Variants in STK32B observed in about 807,000 individuals in gnomAD.
STK32B encodes serine/threonine kinase 32B.
In STK32B, 43 loss-of-function variants were observed where a neutral mutation model predicts 52.6. The ratio of observed to expected loss-of-function variants is 0.82; its 90% CI spans 0.64 to 1.05. The LOEUF is 1.05. Ranked by LOEUF, STK32B falls within the 50% of genes least tolerant of loss-of-function variation. The pLI is 0.00. For synonymous variants in STK32B, 238 were observed against 204.3 expected (o/e 1.17, Z -1.41); for missense variants, 621 against 534.6 (o/e 1.16, Z -1.59).
intron 5 of STK32B, among the ~76,000 whole-genome samples, chr4:5,411,820 T>C (rs922503528): frequency 6.6e-6 from 1 of 151,926 alleles, no homozygotes; most frequent in African/African-American, 2.4e-5. Flanking sequence ...GGGAAAGAAA[T>C]GGCTGTTGTT....
At position 5,446,604 on chromosome 4, in the gene STK32B, C is replaced by G. The variant is rs1452607789; in HGVS notation, c.563-69C>G. On this transcript the variant is annotated intron_variant, in intron 6 of 11. Transcript: ENST00000282908. ...AACAAGCTCAATTTCTCTCCTTGTC[C>G]CCTCTCTAAGGGGTGGTGGCCATAA... 8.9e-6 allele frequency: 12 copies of G among 1,348,050 alleles called. No individual in the cohort carries two copies. The African/African-American group carries it at 1.3e-4, about 15-fold the overall frequency. The allele number at this position is 1,348,050 out of a possible 1,614,324, so 83.5% of individuals were successfully genotyped here.
chr4:5,489,836 A>G (rs958973261), intron 11 of STK32B, among the ~76,000 whole-genome samples: 3 of 152,176 alleles, frequency 2.0e-5, no homozygotes, highest in Non-Finnish European at 4.4e-5. Flanking sequence ...ATTGAAATCA[A>G]TCAAAATACA....
chr4:5,426,446 T>C (rs1284215615), intron 6 of STK32B, among the ~76,000 whole-genome samples: 1 of 152,122 alleles, frequency 6.6e-6, no homozygotes, highest in Non-Finnish European at 1.5e-5. Context: ...GGCTCATGCC[T>C]GTAATCTCAG....
At chr4:5,183,647 C>T (rs1720523327) in intron 3 of STK32B, among the ~76,000 whole-genome samples, 1 of 152,228 alleles carries the variant, frequency 6.6e-6, no homozygotes, top group Admixed American at 6.5e-5. Context: ...AAGTTCGCCT[C>T]CTTATTTAAG....
At chr4:5,185,083 T>C (rs1400259389) in intron 3 of STK32B, among the ~76,000 whole-genome samples, 1 of 152,252 alleles carries the variant, frequency 6.6e-6, no homozygotes, top group Non-Finnish European at 1.5e-5. Flanking sequence ...AAATGTGTCT[T>C]GCGTTTTTAG....
chr4:5,449,030 G>T (rs185655941), intron 7 of STK32B, among the ~76,000 whole-genome samples: 1 of 152,044 alleles, frequency 6.6e-6, no homozygotes, highest in Non-Finnish European at 1.5e-5. Flanking sequence ...AGCTCCTTTC[G>T]TCCAAAAGAG....
At chr4:5,383,491 G>A (rs772809455) in intron 4 of STK32B, among the ~76,000 whole-genome samples, 2 of 152,186 alleles carry the variant, frequency 1.3e-5, no homozygotes, top group African/African-American at 2.4e-5. Flanking sequence ...CCCAGGACTC[G>A]TAGCATCCCA....
At chr4:5,309,244 A>G (rs964327006) in intron 3 of STK32B, among the ~76,000 whole-genome samples, 3 of 152,172 alleles carry the variant, frequency 2.0e-5, no homozygotes, top group Non-Finnish European at 4.4e-5. Context: ...AATGAAGAAG[A>G]CACAGAAAAA....
At chr4:5,030,100 G>T in the STK32B span, among the ~76,000 whole-genome samples, 71 of 152,318 alleles carry the variant, frequency 4.7e-4, no homozygotes, top group Admixed American at 1.6e-3. Flanking sequence ...CTGTGAGTCA[G>T]TGAAACCTCT....
intron 4 of STK32B, among the ~76,000 whole-genome samples, chr4:5,382,765 C>G (rs186698402): frequency 1.3e-5 from 2 of 152,296 alleles, no homozygotes; most frequent in East Asian, 1.9e-4. Context: ...ATATGCCAAG[C>G]CTGGACTCAT....
the STK32B span, among the ~76,000 whole-genome samples, chr4:5,023,077 G>A: frequency 1.2e-3 from 180 of 152,146 alleles, no homozygotes; most frequent in African/African-American, 3.7e-3. Context: ...GAGATTGTAA[G>A]ATATTGTGCT....
intron 1 of STK32B, among the ~76,000 whole-genome samples, chr4:5,088,017 A>G (rs921019824): frequency 1.3e-5 from 2 of 152,090 alleles, no homozygotes; most frequent in African/African-American, 4.8e-5. Context: ...CTCATGAAAC[A>G]TTTTCCAAGA....
At chr4:5,038,335 A>AAAGG in the STK32B span, among the ~76,000 whole-genome samples, 3 of 152,214 alleles carry the variant, frequency 2.0e-5, no homozygotes, top group Non-Finnish European at 4.4e-5. Flanking sequence ...CTGATGAACC[A>AAAGG]AAGGAATCCC....
At chr4:5,089,876 A>G (rs550256646) in intron 1 of STK32B, among the ~76,000 whole-genome samples, 59 of 152,030 alleles carry the variant, frequency 3.9e-4, no homozygotes, top group African/African-American at 1.4e-3. Context: ...CACAGCATCT[A>G]TTGTTTCCTG....
intron 5 of STK32B, among the ~76,000 whole-genome samples, chr4:5,407,305 A>C (rs1278876028): frequency 3.3e-5 from 5 of 152,108 alleles, no homozygotes; most frequent in Non-Finnish European, 2.9e-5. Context: ...GTCACAATTT[A>C]ACAAGTTTCT....
At chr4:5,301,891 C>T (rs28749224) in intron 3 of STK32B, among the ~76,000 whole-genome samples, 27,414 of 150,620 alleles carry the variant, frequency 0.18, 3,425 homozygotes, top group African/African-American at 0.36. Context: ...GATCTCTCTT[C>T]CCTTTAATTG....
intron 1 of STK32B, among the ~76,000 whole-genome samples, chr4:5,095,908 T>G (rs1303963010): frequency 6.6e-6 from 1 of 152,220 alleles, no homozygotes; most frequent in Non-Finnish European, 1.5e-5. Context: ...TAGTGTTCAT[T>G]GACAATTTTG....
the STK32B span, among the ~76,000 whole-genome samples, chr4:5,029,979 C>T: frequency 6.6e-6 from 1 of 152,132 alleles, no homozygotes; most frequent in Non-Finnish European, 1.5e-5. Flanking sequence ...GGGCTCTTCC[C>T]GCTTTGCTCA....
chr4:5,193,003 G>A (rs1023251271), intron 3 of STK32B, among the ~76,000 whole-genome samples: 1 of 152,186 alleles, frequency 6.6e-6, no homozygotes, highest in African/African-American at 2.4e-5. Context: ...GTCGGCAATG[G>A]GGGGATGGTC....
Sources: gnomAD v4.1 joint callset for allele counts (sites outside exome capture counted in the v4.1 genomes callset) on GRCh38, gnomAD v4.1.1 for gene constraint, MANE v1.5 for transcripts, NCBI Gene and HGNC (gene_info 2026-07-23, HGNC 2026-07-21) for gene names.